DIP2C: variants seen among roughly 807,000 people sequenced by gnomAD.
DIP2C encodes disco-interacting protein 2 homolog C.
DIP2C carries 33 observed loss-of-function variants against 192.4 expected under a neutral mutation model. The ratio of observed to expected loss-of-function variants is 0.17; its 90% CI spans 0.13 to 0.23. DIP2C has a LOEUF of 0.23. Among genes scored for constraint, DIP2C ranks in the 10% least tolerant of loss-of-function variants. The pLI is 1.00. For missense variants in DIP2C, 1,537 were observed against 2,110.1 expected (o/e 0.73, Z 5.32); for synonymous variants, 979 against 864.1 (o/e 1.13, Z -2.33).
At chr10:417,902 ATAGG>A (rs1965837660) in intron 6 of DIP2C, among the ~76,000 whole-genome samples, 4 of 107,738 alleles carry the variant, frequency 3.7e-5, no homozygotes, top group Admixed American at 8.9e-5. Context: ...CAGGGCTCGG[ATAGG>A]CCTCCCTGTC....
In DIP2C at chr10:362,558, G is replaced by A; in HGVS notation, c.2726C>T (p.Pro909Leu). Residue 909 changes from proline (P) to leucine (L), a missense_variant, in exon 22 of 37, where the codon CCC becomes CTC. By Grantham distance (98) the Pro-to-Leu change is moderately conservative. Coordinates refer to ENST00000280886, the MANE Select transcript of DIP2C (RefSeq NM_014974.3). ...GTGGGGGCACATTAGGACATTGCAG[G>A]GGTGCAGAGAGCCCTCCAGAAAAAG... is the stretch of plus-strand genomic sequence containing the variant. Reference protein sequence around the residue: ...KQLFLEGSLHPCNVLMCPHTC... With the variant: ...KQLFLEGSLHLCNVLMCPHTC... 1.2e-6 allele frequency: 2 copies of A among 1,614,118 alleles called. No individual in the cohort carries two copies. Among genetic ancestry groups the A allele is most frequent in the Non-Finnish European group, 1.7e-6 (2 of 1,179,998 alleles).
At chr10:353,232 G>A (rs944388957) in intron 24 of DIP2C, among the ~76,000 whole-genome samples, 10 of 151,804 alleles carry the variant, frequency 6.6e-5, no homozygotes, top group African/African-American at 2.4e-4. Flanking sequence ...GTCAGTTTCT[G>A]TAAACTTGGG....
At chr10:326,195 A>G (rs974848631) in intron 31 of DIP2C, among the ~76,000 whole-genome samples, 3 of 152,120 alleles carry the variant, frequency 2.0e-5, no homozygotes, top group African/African-American at 7.2e-5. Context: ...TGTCTCAAAA[A>G]AGTAAAAGAA....
chr10:329,200 C>A (rs1256181178), intron 30 of DIP2C, among the ~76,000 whole-genome samples: 1 of 152,206 alleles, frequency 6.6e-6, no homozygotes, highest in Admixed American at 6.5e-5. Flanking sequence ...AGTGGAATGA[C>A]AGGCATTGAA....
chr10:354,704 CCT>C (rs1958994363), intron 24 of DIP2C, among the ~76,000 whole-genome samples: 1 of 151,940 alleles, frequency 6.6e-6, no homozygotes, highest in Admixed American at 6.6e-5. Flanking sequence ...GGGGTAGCCA[CCT>C]CTGTGAGGAA....
chr10:535,584 C>G (rs570085740), intron 1 of DIP2C, among the ~76,000 whole-genome samples: 2 of 152,148 alleles, frequency 1.3e-5, no homozygotes, highest in African/African-American at 4.8e-5. Context: ...AGTGACACAG[C>G]GAAACACACG....
At chr10:581,955 G>A (rs964062764) in intron 1 of DIP2C, among the ~76,000 whole-genome samples, 9 of 152,060 alleles carry the variant, frequency 5.9e-5, no homozygotes, top group Non-Finnish European at 1.0e-4. Flanking sequence ...GAATGAAACC[G>A]TTCCACCTCA....
At chr10:685,732 C>T (rs142349592) in intron 1 of DIP2C, among the ~76,000 whole-genome samples, 2 of 152,170 alleles carry the variant, frequency 1.3e-5, no homozygotes, top group East Asian at 1.9e-4. Flanking sequence ...GAGGTCGAGG[C>T]GGGCGGATCA....
chr10:665,773 CATCA>C (rs1241338203), intron 1 of DIP2C: 2 of 152,202 alleles, frequency 1.3e-5, no homozygotes, highest in African/African-American at 4.8e-5. Flanking sequence ...AAACAAAACA[CATCA>C]ATCAAACGAA....
intron 1 of DIP2C, among the ~76,000 whole-genome samples, chr10:671,769 A>C (rs1830654708): frequency 8.2e-6 from 1 of 122,004 alleles, no homozygotes; most frequent in East Asian, 2.9e-4. Context: ...GGACGGAGGA[A>C]ACGCCACAGA....
chr10:494,925 C>A (rs1019269064), intron 1 of DIP2C, among the ~76,000 whole-genome samples: 1 of 152,296 alleles, frequency 6.6e-6, no homozygotes, highest in East Asian at 1.9e-4. Context: ...GGGAGAGATA[C>A]CTGCATGCTC....
chr10:584,383 C>T, intron 1 of DIP2C, among the ~76,000 whole-genome samples: 1 of 151,994 alleles, frequency 6.6e-6, no homozygotes, highest in South Asian at 2.1e-4. Context: ...AGCCCACGAC[C>T]TGACACCCAC....
chr10:413,222 A>G (rs1261543919), intron 8 of DIP2C, among the ~76,000 whole-genome samples: 5 of 152,182 alleles, frequency 3.3e-5, no homozygotes, highest in African/African-American at 4.8e-5. Context: ...CCACAGAAAA[A>G]AGAGAAACGC....
intron 29 of DIP2C, among the ~76,000 whole-genome samples, chr10:337,090 GGTGT>G (rs1265062749): frequency 3.0e-4 from 26 of 87,852 alleles, no homozygotes; most frequent in Non-Finnish European, 5.0e-4. Context: ...GGCCTAGACT[GGTGT>G]GTGTGTGCGT....
intron 4 of DIP2C, among the ~76,000 whole-genome samples, chr10:434,579 CT>C (rs1277777152): frequency 6.6e-6 from 1 of 152,240 alleles, no homozygotes; most frequent in Non-Finnish European, 1.5e-5. Context: ...AGACTCTGCT[CT>C]TCCTTTCTTT....
At chr10:373,519 A>G (rs577838305) in intron 17 of DIP2C, among the ~76,000 whole-genome samples, 84 of 152,336 alleles carry the variant, frequency 5.5e-4, no homozygotes, top group South Asian at 3.3e-3. Context: ...CAGGTCTGAC[A>G]TAATGTAAGA....
intron 1 of DIP2C, among the ~76,000 whole-genome samples, chr10:657,157 C>T (rs1428306387): frequency 1.3e-5 from 2 of 150,618 alleles, no homozygotes; most frequent in Non-Finnish European, 3.0e-5. Context: ...GGACCTGACG[C>T]TGGACCTGAT....
At chr10:538,927 A>C (rs1345081187) in intron 1 of DIP2C, among the ~76,000 whole-genome samples, 1 of 152,206 alleles carries the variant, frequency 6.6e-6, no homozygotes, top group Non-Finnish European at 1.5e-5. Flanking sequence ...CTGCTATATG[A>C]ACCTCAGTTG....
chr10:448,449 C>CA (rs558986739), intron 3 of DIP2C, among the ~76,000 whole-genome samples: 16 of 143,868 alleles, frequency 1.1e-4, no homozygotes, highest in Admixed American at 4.2e-4. Context: ...CACAGTGGGG[C>CA]AGCAGGACCC....
Sources: allele counts gnomAD v4.1 joint callset (sites outside exome capture counted in the v4.1 genomes callset), GRCh38; gene constraint gnomAD v4.1.1; transcripts MANE v1.5; gene names NCBI Gene and HGNC (gene_info 2026-07-23, HGNC 2026-07-21).